KIF14: variants seen among roughly 807,000 people sequenced by gnomAD.
The protein encoded by KIF14 is kinesin-like protein KIF14.
In KIF14, 98 loss-of-function variants were observed where a neutral mutation model predicts 176.2. The observed-to-expected ratio is 0.56, with a 90% CI of 0.47 to 0.66. The LOEUF (loss-of-function observed/expected upper bound fraction) is 0.66, where lower values mean the gene tolerates loss of function less well. Among genes scored for constraint, KIF14 ranks in the 30% least tolerant of loss-of-function variants. KIF14 has a pLI of 0.00. For synonymous variants in KIF14, 566 were observed against 632.2 expected (o/e 0.90, Z 1.57); for missense variants, 1,751 against 1,920.4 (o/e 0.91, Z 1.65).
chr1:200,569,480 C>T (rs1657660688), intron 23 of KIF14, among the ~76,000 whole-genome samples: 1 of 152,110 alleles, frequency 6.6e-6, no homozygotes, highest in Admixed American at 6.6e-5. Flanking sequence ...GTCCTGTCTC[C>T]ATCCCCAAGC....
chr1:200,560,645 T>G, intron 26 of KIF14, 77 bp downstream of exon 26: 1 of 1,386,070 alleles, frequency 7.2e-7, no homozygotes, highest in Non-Finnish European at 1.0e-6. Flanking sequence ...GAACTTGCCA[T>G]GTTTAGTACT....
Position 200,559,334 on chromosome 1 carries a change from T to C in KIF14, c.4349A>G (p.Asn1450Ser). 1 of 1,552,834 alleles carries C rather than the reference T, an allele frequency of 6.4e-7. No homozygotes were observed. The highest frequency in any genetic ancestry group is 8.7e-7 in the Non-Finnish European group (1 of 1,152,194). Residue 1450 changes from asparagine to serine, a missense_variant, in exon 27 of 30, where the codon AAT (asparagine) becomes AGT (serine). Asn to Ser is a conservative substitution (Grantham distance 46). Coordinates refer to ENST00000367350, the MANE Select transcript of KIF14 (RefSeq NM_014875.3). ...QHELFRQCTK[N>S]EVTKEMKTNA... Reference sequence around the variant, plus strand: ...ATATTCTTTTATTCATCTTACCTCATTTTTTGTACACTGCCTAAAGAGTTC... The same window carrying C: ...ATATTCTTTTATTCATCTTACCTCACTTTTTGTACACTGCCTAAAGAGTTC...
intron 5 of KIF14, among the ~76,000 whole-genome samples, chr1:200,607,349 G>A (rs1282000235): frequency 3.3e-5 from 5 of 152,032 alleles, no homozygotes; most frequent in Non-Finnish European, 4.4e-5. Flanking sequence ...ATGTTGGCTA[G>A]GCTGGTCGGG....
intron 8 of KIF14, 122 bp from the exon 9 acceptor site, chr1:200,604,077 T>C: frequency 3.2e-6 from 2 of 618,240 alleles, no homozygotes; most frequent in Non-Finnish European, 2.8e-6. Context: ...AGTCTCTTCT[T>C]TTTTTTTGAG....
chr1:200,580,433 A>G (rs754699096), intron 20 of KIF14, 50 bp from the exon 21 acceptor site: 1 of 1,246,302 alleles, frequency 8.0e-7, no homozygotes, highest in Non-Finnish European at 1.1e-6. Flanking sequence ...ATACACATCC[A>G]TTTATACTAA....
chr1:200,571,416 G>A (rs1558054770), intron 22 of KIF14, among the ~76,000 whole-genome samples: 2 of 151,934 alleles, frequency 1.3e-5, no homozygotes, highest in Admixed American at 1.3e-4. Flanking sequence ...AAAAATGGAG[G>A]CTACCCTTTC....
intron 4 of KIF14, among the ~76,000 whole-genome samples, chr1:200,610,297 G>A (rs1337301093): frequency 6.6e-6 from 1 of 152,020 alleles, no homozygotes; most frequent in Non-Finnish European, 1.5e-5. Flanking sequence ...TCAGGGGATC[G>A]AGACCATCCT....
intron 17 of KIF14, 90 bp downstream of exon 17, chr1:200,590,035 C>T: frequency 3.1e-6 from 4 of 1,295,264 alleles, no homozygotes; most frequent in Non-Finnish European, 4.2e-6. Flanking sequence ...TCTCCCAGTT[C>T]CCTTATAGGG....
Position 200,552,726 on chromosome 1 carries a change from T to C in KIF14, c.*662A>G, listed in dbSNP as rs1387541357. ...TTTTGATTAACAATGCAAGTTAAGT[T>C]GTCTTAGTTAAACTTGTACAGGCCA... On this transcript the variant is annotated 3_prime_UTR_variant, in exon 30 of 30. Coordinates refer to ENST00000367350, the MANE Select transcript of KIF14 (RefSeq NM_014875.3). 1 of 152,066 alleles carries C rather than the reference T, an allele frequency of 6.6e-6. No individual in the cohort carries two copies. Among genetic ancestry groups the C allele is most frequent in the Non-Finnish European group, 1.5e-5 (1 of 68,008 alleles). The allele number at this position is 152,066 out of a possible 1,614,324, so 9.4% of individuals were successfully genotyped here.
chr1:200,607,319 A>G (rs1659929576), intron 5 of KIF14, among the ~76,000 whole-genome samples: 1 of 151,976 alleles, frequency 6.6e-6, no homozygotes, highest in Non-Finnish European at 1.5e-5. Context: ...TTGTATTTTC[A>G]GTAGAGAAGG....
At chr1:200,574,351 T>G (rs1412991739) in intron 22 of KIF14, among the ~76,000 whole-genome samples, 1 of 152,176 alleles carries the variant, frequency 6.6e-6, no homozygotes, top group African/African-American at 2.4e-5. Context: ...TTTCCCCTAG[T>G]CAGTCACCCA....
At chr1:200,586,784 TAC>T (rs1185709788) in intron 18 of KIF14, among the ~76,000 whole-genome samples, 67 of 54,068 alleles carry the variant, frequency 1.2e-3, no homozygotes, top group African/African-American at 5.0e-3. Flanking sequence ...TATATATATA[TAC>T]ATACATATAT....
At chr1:200,608,560 A>G (rs1659999265) in intron 5 of KIF14, among the ~76,000 whole-genome samples, 1 of 152,044 alleles carries the variant, frequency 6.6e-6, no homozygotes, top group South Asian at 2.1e-4. Context: ...ACAGGGTTTC[A>G]CTGTGTTGTC....
Position 200,614,422 on chromosome 1 carries a change from G to A in KIF14, c.1368-17C>T. Reference sequence around the variant, plus strand: ...CCCATCATCCTGAAAAATACATTATGAATAAGGGGGAAATAAAACTAATTC... The same window carrying A: ...CCCATCATCCTGAAAAATACATTATAAATAAGGGGGAAATAAAACTAATTC... On this transcript the variant is annotated splice_polypyrimidine_tract_variant and intron_variant, in intron 3 of 29. Coordinates refer to ENST00000367350, the MANE Select transcript of KIF14 (RefSeq NM_014875.3). 1 of 1,399,668 alleles carries A rather than the reference G, an allele frequency of 7.1e-7. No homozygotes were observed. Among genetic ancestry groups the A allele is most frequent in the Non-Finnish European group, 1.0e-6 (1 of 993,882 alleles). 86.7% of individuals were successfully genotyped at this position (1,399,668 alleles called of 1,614,324 possible).
intron 25 of KIF14, among the ~76,000 whole-genome samples, chr1:200,564,774 G>C (rs138188503): frequency 3.9e-5 from 6 of 152,228 alleles, no homozygotes; most frequent in African/African-American, 1.2e-4. Flanking sequence ...TATTTTCCCT[G>C]TGCCTCCATT....
rs184829985 is a variant in KIF14 at position 200,561,860 on chromosome 1, C to T, written c.4072-980G>A. ...GAACTTTTCCTGTTCTGATAACCAT[C>T]TGACAGTTAATAAAGATATGATTTT... On this transcript the variant is annotated intron_variant, in intron 25 of 29. Coordinates refer to ENST00000367350, the MANE Select transcript of KIF14 (RefSeq NM_014875.3). Among the ~76,000 whole-genome samples, 13 of 152,190 alleles carry T rather than the reference C, an allele frequency of 8.5e-5. No homozygotes were observed. In the East Asian group the frequency reaches 2.5e-3, roughly 29 times the overall value.
At chr1:200,562,469 G>A (rs931667984) in intron 25 of KIF14, among the ~76,000 whole-genome samples, 2 of 152,318 alleles carry the variant, frequency 1.3e-5, no homozygotes, top group East Asian at 3.9e-4. Flanking sequence ...AATTTAAGCA[G>A]TTTGCCCAAG....
intron 18 of KIF14, 102 bp downstream of exon 18, chr1:200,589,114 TG>T: frequency 1.1e-6 from 1 of 874,736 alleles, no homozygotes; most frequent in Non-Finnish European, 1.8e-6. Flanking sequence ...TCTACAAACC[TG>T]GATTTGGCTC....
intron 27 of KIF14, among the ~76,000 whole-genome samples, chr1:200,556,721 G>C: frequency 6.6e-6 from 1 of 152,102 alleles, no homozygotes; most frequent in East Asian, 1.9e-4. Context: ...TGCACTTATT[G>C]CCAGCAGAAA....
Sources: gnomAD v4.1 joint callset for allele counts (sites outside exome capture counted in the v4.1 genomes callset) on GRCh38, gnomAD v4.1.1 for gene constraint, MANE v1.5 for transcripts, NCBI Gene and HGNC (gene_info 2026-07-23, HGNC 2026-07-21) for gene names.